The following RXFP2 variants were observed in gnomAD, a reference collection of about 807,000 sequenced individuals.
RXFP2 encodes the protein relaxin family peptide receptor 2, also known as relaxin receptor 2.
A neutral mutation model predicts 88.6 loss-of-function variants in RXFP2; 68 were observed. The observed-to-expected ratio is 0.77, with a 90% CI of 0.63 to 0.94. The LOEUF (loss-of-function observed/expected upper bound fraction) is 0.94. Ranked by LOEUF, RXFP2 falls within the 40% of genes least tolerant of loss-of-function variation. The probability of loss-of-function intolerance (pLI) is 0.00; values close to 1 mark genes in which losing one functional copy is unlikely to be tolerated. For synonymous variants in RXFP2, 329 were observed against 306.8 expected, an observed-to-expected ratio of 1.07 and a Z score of -0.76; for missense variants, 791 against 893.9, an observed-to-expected ratio of 0.88 and a Z score of 1.47.
chr13:31,781,255 G>T (rs1233007395), intron 9 of RXFP2, among the ~76,000 whole-genome samples: 2 of 152,174 alleles, frequency 1.3e-5, no homozygotes, highest in Non-Finnish European at 2.9e-5. Context: ...TAGCTGTGTG[G>T]TCAGAAGGAA....
intron 17 of RXFP2, among the ~76,000 whole-genome samples, chr13:31,801,385 A>G (rs1874333907): frequency 6.6e-6 from 1 of 152,038 alleles, no homozygotes; most frequent in Admixed American, 6.6e-5. Context: ...CCCCTTTAAC[A>G]GAGAGAGCAG....
chr13:31,800,587 C>T (rs1314967035), intron 17 of RXFP2, among the ~76,000 whole-genome samples: 1 of 152,016 alleles, frequency 6.6e-6, no homozygotes, highest in African/African-American at 2.4e-5. Context: ...CAAAACAAAA[C>T]AAAAACAAAA....
intron 13 of RXFP2, 90 bp downstream of exon 13, chr13:31,786,727 G>A (rs1057238943): frequency 2.5e-6 from 2 of 797,032 alleles, no homozygotes; most frequent in Non-Finnish European, 4.3e-6. Flanking sequence ...TTGCACACAG[G>A]AGCATGCATT....
rs749944449 is a variant in RXFP2, at chr13:31,781,750, T to C, written c.857+8T>C. The C allele has an allele frequency of 1.5e-5, 24 of 1,595,546 alleles. No individual in the cohort carries two copies. Among genetic ancestry groups the C allele is most frequent in the Non-Finnish European group, 2.0e-5 (23 of 1,163,724 alleles). On this transcript the variant is annotated splice_region_variant and intron_variant, in intron 10 of 17. Transcript: ENST00000298386. ...CGATTCGCTCACAGTGCTGTAAGTA[T>C]ACAATGGACTTCACTAAATGAGGGG... is the stretch of plus-strand genomic sequence containing the variant.
intron 17 of RXFP2, among the ~76,000 whole-genome samples, chr13:31,798,790 C>T (rs1874180037): frequency 6.6e-6 from 1 of 152,106 alleles, no homozygotes; most frequent in South Asian, 2.1e-4. Context: ...CTGAAGCTGT[C>T]CCCCCAACCT....
chr13:31,798,836 T>C (rs148120059), intron 17 of RXFP2, among the ~76,000 whole-genome samples: 1 of 152,300 alleles, frequency 6.6e-6, no homozygotes, highest in East Asian at 1.9e-4. Flanking sequence ...TTTAGCGTAC[T>C]AAACACCACT....
chr13:31,785,894 T>A (rs1394352868), intron 11 of RXFP2, among the ~76,000 whole-genome samples: 4 of 152,214 alleles, frequency 2.6e-5, no homozygotes, highest in Non-Finnish European at 5.9e-5. Context: ...GAAGAACATA[T>A]TAAAAGCGTG....
At chr13:31,793,386 C>G (rs2138460147) in intron 16 of RXFP2, among the ~76,000 whole-genome samples, 1 of 151,578 alleles carries the variant, frequency 6.6e-6, no homozygotes, top group South Asian at 2.1e-4. Context: ...TGAAGGAATT[C>G]CAGTTTAGTG....
chr13:31,786,748 G>T, intron 13 of RXFP2, 111 bp downstream of exon 13: 1 of 713,916 alleles, frequency 1.4e-6, no homozygotes, highest in Admixed American at 2.3e-5. Flanking sequence ...TCAGACAACT[G>T]TCTGAATCAC....
intron 1 of RXFP2, among the ~76,000 whole-genome samples, chr13:31,749,447 G>A (rs1871568729): frequency 6.6e-6 from 1 of 152,116 alleles, no homozygotes; most frequent in Non-Finnish European, 1.5e-5. Flanking sequence ...ATGCCTTTGA[G>A]AATCAACTTA....
chr13:31,781,590 TGATAACCA>T, intron 9 of RXFP2, 73 bp from the exon 10 acceptor site: 1 of 1,008,030 alleles, frequency 9.9e-7, no homozygotes. Context: ...AAAATAAACT[TGATAACCA>T]TTTTAAAAAG....
intron 1 of RXFP2, among the ~76,000 whole-genome samples, chr13:31,757,694 C>T (rs1872021305): frequency 6.6e-6 from 1 of 152,178 alleles, no homozygotes; most frequent in Non-Finnish European, 1.5e-5. Context: ...AAATCTAGGA[C>T]AATACATCTG....
At chr13:31,765,287 C>T (rs1872500530) in intron 4 of RXFP2, 145 bp downstream of exon 4, 1 of 645,842 alleles carries the variant, frequency 1.5e-6, no homozygotes, top group Non-Finnish European at 2.8e-6. Context: ...TCCATGCTTC[C>T]TATTCAGGGG....
At chr13:31,802,055 C>A in intron 17 of RXFP2, 91 bp from the exon 18 acceptor site, 1 of 1,313,216 alleles carries the variant, frequency 7.6e-7, no homozygotes, top group Non-Finnish European at 1.1e-6. Context: ...ATGTCTCCCT[C>A]TCATAAATAG....
Position 31,777,348 on chromosome 13 carries a change from G to C in RXFP2, c.642-28G>C. The C allele has an allele frequency of 2.6e-6, 4 of 1,519,428 alleles. No individual in the cohort carries two copies. The African/African-American group carries it at 4.1e-5, about 16-fold the overall frequency. 94.1% of individuals were successfully genotyped at this position (1,519,428 alleles called of 1,614,324 possible). On this transcript the variant is annotated intron_variant, in intron 7 of 17. Transcript: ENST00000298386. Reference sequence around the variant, plus strand: ...TTATTTCACAAATGTCTCTAATATTGGAAATGTTTCTTGATACATTTTGTC... The same window carrying C: ...TTATTTCACAAATGTCTCTAATATTCGAAATGTTTCTTGATACATTTTGTC...
chr13:31,768,355 G>C (rs956423301), intron 5 of RXFP2, among the ~76,000 whole-genome samples: 1 of 152,098 alleles, frequency 6.6e-6, no homozygotes, highest in African/African-American at 2.4e-5. Context: ...AAAGCACAGG[G>C]GGATAAAACA....
intron 5 of RXFP2, among the ~76,000 whole-genome samples, chr13:31,766,710 C>T (rs1288536184): frequency 2.0e-5 from 3 of 152,096 alleles, no homozygotes; most frequent in East Asian, 1.9e-4. Context: ...ACCAAGAAAC[C>T]TTAGGATGAT....
At chr13:31,802,078 A>G (rs1006972234) in intron 17 of RXFP2, 68 bp from the exon 18 acceptor site, 161 of 1,492,248 alleles carry the variant, frequency 1.1e-4, no homozygotes, top group Non-Finnish European at 1.4e-4. Context: ...TTGACTGCAA[A>G]GTGTTATTTG....
At chr13:31,776,499 G>A (rs1440267727) in intron 7 of RXFP2, among the ~76,000 whole-genome samples, 1 of 151,790 alleles carries the variant, frequency 6.6e-6, no homozygotes, top group Middle Eastern at 3.2e-3. Context: ...GAGCTCAAGC[G>A]ATCTGCCTGC....
Sources: gnomAD v4.1 joint callset for allele counts (sites outside exome capture counted in the v4.1 genomes callset) on GRCh38, gnomAD v4.1.1 for gene constraint, MANE v1.5 for transcripts, NCBI Gene and HGNC (gene_info 2026-07-23, HGNC 2026-07-21) for gene names.